The following ENTREP2 variants were observed in gnomAD, a reference collection of about 807,000 sequenced individuals.
ENTREP2 encodes protein ENTREP2.
chr15:29,643,267 A>T, the ENTREP2 span, among the ~76,000 whole-genome samples: 1 of 152,208 alleles, frequency 6.6e-6, no homozygotes, highest in Non-Finnish European at 1.5e-5. Context: ...AAATTATCCT[A>T]TCAACTCAAC....
At chr15:29,519,238 T>C in the ENTREP2 span, among the ~76,000 whole-genome samples, 21 of 151,652 alleles carry the variant, frequency 1.4e-4, no homozygotes, top group East Asian at 3.5e-3. Flanking sequence ...CAAGTACAAC[T>C]TCAGGATTAT....
chr15:29,407,315 C>G, the ENTREP2 span, among the ~76,000 whole-genome samples: 1 of 152,158 alleles, frequency 6.6e-6, no homozygotes, highest in Non-Finnish European at 1.5e-5. Context: ...ATTAGAATCT[C>G]ATGGGACCAC....
chr15:29,194,993 G>T, the ENTREP2 span: 1 of 361,376 alleles, frequency 2.8e-6, no homozygotes, highest in Non-Finnish European at 3.9e-6. Context: ...ACGGCTGCCC[G>T]TGTCCCCTCC....
At chr15:29,641,568 A>C in the ENTREP2 span, among the ~76,000 whole-genome samples, 4 of 152,156 alleles carry the variant, frequency 2.6e-5, no homozygotes, top group African/African-American at 7.2e-5. Flanking sequence ...ACGGTGGCTC[A>C]CGCCTGTAAT....
the ENTREP2 span, among the ~76,000 whole-genome samples, chr15:29,644,007 T>C: frequency 2.6e-5 from 4 of 152,128 alleles, no homozygotes; most frequent in Admixed American, 6.5e-5. Context: ...AGCAGCATTA[T>C]TCATAATATC....
the ENTREP2 span, among the ~76,000 whole-genome samples, chr15:29,594,813 A>G: frequency 6.6e-6 from 1 of 152,054 alleles, no homozygotes; most frequent in African/African-American, 2.4e-5. Flanking sequence ...AAATTTAAAA[A>G]TTAGTCACTT....
chr15:29,496,396 A>C, the ENTREP2 span, among the ~76,000 whole-genome samples: 1 of 151,736 alleles, frequency 6.6e-6, no homozygotes, highest in Non-Finnish European at 1.5e-5. Context: ...TAAATAAAAT[A>C]AAATAAAATA....
At chr15:29,222,177 G>A in the ENTREP2 span, among the ~76,000 whole-genome samples, 32 of 152,276 alleles carry the variant, frequency 2.1e-4, no homozygotes, top group Admixed American at 3.9e-4. Flanking sequence ...TAAAGAAGCT[G>A]GCCAAATCCC....
chr15:29,500,305 A>G, the ENTREP2 span, among the ~76,000 whole-genome samples: 2,054 of 152,244 alleles, frequency 0.013, 38 homozygotes, highest in African/African-American at 0.047. Context: ...CTTCTCAAGC[A>G]TACATGGAAC....
At chr15:29,623,081 A>G in the ENTREP2 span, among the ~76,000 whole-genome samples, 1 of 152,248 alleles carries the variant, frequency 6.6e-6, no homozygotes, top group East Asian at 1.9e-4. Context: ...ACTTTGTTAA[A>G]TTATCTTTGG....
the ENTREP2 span, among the ~76,000 whole-genome samples, chr15:29,244,594 G>A: frequency 3.3e-5 from 5 of 152,218 alleles, no homozygotes; most frequent in African/African-American, 1.2e-4. Context: ...TGGGAAGGAC[G>A]CCTGGATCAG....
the ENTREP2 span, among the ~76,000 whole-genome samples, chr15:29,243,917 A>T: frequency 1.3e-5 from 2 of 152,352 alleles, no homozygotes; most frequent in African/African-American, 4.8e-5. Flanking sequence ...TTCAGAGCAT[A>T]AGTCAAATCA....
chr15:29,370,285 A>C, the ENTREP2 span, among the ~76,000 whole-genome samples: 1 of 152,204 alleles, frequency 6.6e-6, no homozygotes, highest in Non-Finnish European at 1.5e-5. Context: ...AAAATAATAT[A>C]CTGTGCAAAT....
At chr15:29,236,849 C>T in the ENTREP2 span, among the ~76,000 whole-genome samples, 8 of 151,124 alleles carry the variant, frequency 5.3e-5, no homozygotes, top group Non-Finnish European at 1.0e-4. Context: ...TACTCTGATA[C>T]TGAAACCAGA....
chr15:29,291,548 C>T, the ENTREP2 span, among the ~76,000 whole-genome samples: 1 of 152,210 alleles, frequency 6.6e-6, no homozygotes, highest in Non-Finnish European at 1.5e-5. Flanking sequence ...CCCTGAGGCA[C>T]AAATCAGCTT....
At chr15:29,128,932 G>T in the ENTREP2 span, 1 of 1,071,560 alleles carries the variant, frequency 9.3e-7, no homozygotes, top group Non-Finnish European at 1.4e-6. Context: ...GCCTCCAGTA[G>T]TGTAGGCGCT....
the ENTREP2 span, among the ~76,000 whole-genome samples, chr15:29,601,715 G>T: frequency 2.0e-5 from 3 of 151,874 alleles, no homozygotes; most frequent in African/African-American, 4.8e-5. Context: ...TTTCATCTTT[G>T]TTGGCCAATT....
chr15:29,513,916 A>AGTG, the ENTREP2 span, among the ~76,000 whole-genome samples: 1 of 152,214 alleles, frequency 6.6e-6, no homozygotes, highest in African/African-American at 2.4e-5. Context: ...CAAAAGAAAC[A>AGTG]ACAATCTCAC....
the ENTREP2 span, among the ~76,000 whole-genome samples, chr15:29,614,721 C>T: frequency 1.3e-5 from 2 of 152,178 alleles, no homozygotes; most frequent in South Asian, 2.1e-4. Flanking sequence ...CCTATGTCCA[C>T]GTAGTAGCCA....
Sources: gnomAD v4.1 joint callset for allele counts (sites outside exome capture counted in the v4.1 genomes callset) on GRCh38, gnomAD v4.1.1 for gene constraint, MANE v1.5 for transcripts, NCBI Gene and HGNC (gene_info 2026-07-23, HGNC 2026-07-21) for gene names.